The following ENPP4 variants were observed in gnomAD, a reference collection of about 807,000 sequenced individuals.
The protein encoded by ENPP4 is bis(5'-adenosyl)-triphosphatase ENPP4.
A neutral mutation model predicts 33.4 loss-of-function variants in ENPP4; 18 were observed. The observed-to-expected ratio is 0.54, with a 90% CI of 0.37 to 0.80. The LOEUF is 0.80. Ranked by LOEUF, ENPP4 falls within the 30% of genes least tolerant of loss-of-function variation. The probability of loss-of-function intolerance (pLI) is 0.00; values close to 1 mark genes in which losing one functional copy is unlikely to be tolerated. For missense variants in ENPP4, 480 were observed against 541.7 expected (o/e 0.89, Z 1.13); for synonymous variants, 172 against 189.9 (o/e 0.91, Z 0.78).
In ENPP4 at chr6:46,145,511, G is replaced by A. The variant is rs771811872; in HGVS notation, c.*1871G>A. ...TTTAATTTCCATTAAAAAGCAAATA[G>A]CATTGACACATTTAAAGCTTTTCAT... On this transcript the variant is annotated 3_prime_UTR_variant, in exon 4 of 4. Transcript: ENST00000321037. 2.0e-5 allele frequency: 3 copies of A among 151,790 alleles called. No homozygotes were observed. The highest frequency in any genetic ancestry group is 4.4e-5 in the Non-Finnish European group (3 of 67,856). The allele number at this position is 151,790 out of a possible 1,614,324, so 9.4% of individuals were successfully genotyped here.
chr6:46,142,474 A>G (rs1223765742), intron 3 of ENPP4, among the ~76,000 whole-genome samples: 2 of 44,562 alleles, frequency 4.5e-5, no homozygotes, highest in Non-Finnish European at 1.3e-4. Flanking sequence ...AGAAAAATAT[A>G]TATTTTTTTC....
Position 46,140,365 on chromosome 6 carries a change from C to T in ENPP4, c.782C>T (p.Thr261Ile). 3.1e-6 allele frequency: 5 copies of T among 1,601,238 alleles called. No individual in the cohort carries two copies. Among genetic ancestry groups the T allele is most frequent in the Non-Finnish European group, 4.3e-6 (5 of 1,175,544 alleles). The change falls in exon 2 of 4, where the codon ACT becomes ATT. Residue 261 changes from threonine to isoleucine, a missense_variant. Around this residue, in one of 3 missense-constraint regions of ENPP4, gnomAD observed 249 missense variants for 251.8 expected, o/e 0.99. Transcript: ENST00000321037. ...LDSCIDHSYYTLIDLSPVAAI... is the reference protein window; with the variant it reads ...LDSCIDHSYYILIDLSPVAAI... ...TCCTGCATCGATCATTCATACTACA[C>T]TCTTATAGATTTGAGCCCAGTTGCT...
At chr6:46,133,651 CT>C (rs1763935591) in intron 1 of ENPP4, among the ~76,000 whole-genome samples, 1 of 152,114 alleles carries the variant, frequency 6.6e-6, no homozygotes, top group South Asian at 2.1e-4. Context: ...GAGAGGTCTG[CT>C]TTTTTTCTTC....
chr6:46,139,182 G>A (rs1481244711), intron 1 of ENPP4, among the ~76,000 whole-genome samples: 1 of 151,748 alleles, frequency 6.6e-6, no homozygotes, highest in East Asian at 1.9e-4. Flanking sequence ...TGGAGCCTCT[G>A]AAAGCTTGGC....
chr6:46,139,578 T>C lies in ENPP4; in HGVS notation c.-6T>C. On this transcript the variant is annotated 5_prime_UTR_variant, in exon 2 of 4. Transcript: ENST00000321037. ...ACCCTGATTGCTGTCCTTCAACGTGTTCATTATGAAGTTATTAGTAATACT... is the reference window on the plus strand; with the variant it reads ...ACCCTGATTGCTGTCCTTCAACGTGCTCATTATGAAGTTATTAGTAATACT... The C allele has an allele frequency of 1.4e-6, 2 of 1,398,486 alleles. No individual in the cohort carries two copies. Among genetic ancestry groups the C allele is most frequent in the Non-Finnish European group, 2.0e-6 (2 of 986,582 alleles). The allele number at this position is 1,398,486 out of a possible 1,614,324, so 86.6% of individuals were successfully genotyped here.
intron 1 of ENPP4, among the ~76,000 whole-genome samples, chr6:46,138,403 C>T (rs749498529): frequency 6.6e-6 from 1 of 151,848 alleles, no homozygotes; most frequent in Non-Finnish European, 1.5e-5. Context: ...GAAAACCAGT[C>T]AACTGTGTCA....
intron 3 of ENPP4, among the ~76,000 whole-genome samples, chr6:46,141,812 A>G (rs185051773): frequency 1.5e-3 from 225 of 151,818 alleles, no homozygotes; most frequent in African/African-American, 5.3e-3. Flanking sequence ...ATTCAATTCA[A>G]ATGCTTTTTT....
chr6:46,136,056 G>T (rs973150776), intron 1 of ENPP4, among the ~76,000 whole-genome samples: 3 of 151,960 alleles, frequency 2.0e-5, no homozygotes, highest in African/African-American at 7.2e-5. Context: ...CAAACACACT[G>T]TTACAAATAT....
chr6:46,144,752 TTAGGC>T lies in ENPP4; in HGVS notation c.*1115_*1119del. ...TCTTTGGGACTTTATGCCTTACTTT[TTAGGC>T]TATAGAATAGTTAAGAAATTTTAAA... On this transcript the variant is annotated 3_prime_UTR_variant, in exon 4 of 4. Transcript: ENST00000321037. 1 of 380,800 alleles carries T rather than the reference TTAGGC, an allele frequency of 2.6e-6. No individual in the cohort carries two copies. Among genetic ancestry groups the T allele is most frequent in the Non-Finnish European group, 4.7e-6 (1 of 214,660 alleles). 23.6% of individuals were successfully genotyped at this position (380,800 alleles called of 1,614,324 possible). A position where few individuals can be genotyped will look rare whatever the true frequency, so the allele number is the denominator to read the frequency against.
chr6:46,141,046 T>G lies in ENPP4; in HGVS notation c.827-6T>G. 6.5e-7 allele frequency: 1 copy of G among 1,548,548 alleles called. No individual in the cohort carries two copies. The highest frequency in any genetic ancestry group is 8.7e-7 in the Non-Finnish European group (1 of 1,149,466). ...GTTTCCTTTGCTGTTTCTTTTTTTT[T>G]CTCAGATAGAACAGAGGTTTATAAC... On this transcript the variant is annotated splice_region_variant and splice_polypyrimidine_tract_variant and intron_variant, in intron 2 of 3. Coordinates refer to ENST00000321037, the MANE Select transcript of ENPP4 (RefSeq NM_014936.5).
intron 1 of ENPP4, among the ~76,000 whole-genome samples, 161 bp downstream of exon 1, chr6:46,130,350 G>A (rs575816532): frequency 6.6e-6 from 1 of 152,364 alleles, no homozygotes; most frequent in South Asian, 2.1e-4. Flanking sequence ...CGTCCACGAA[G>A]GGACTCAAAG....
chr6:46,139,278 T>A (rs1325386200), intron 1 of ENPP4, among the ~76,000 whole-genome samples: 1 of 151,754 alleles, frequency 6.6e-6, no homozygotes, highest in Non-Finnish European at 1.5e-5. Flanking sequence ...ATGTGGCAAA[T>A]GAGCTGACAG....
At position 46,141,034 on chromosome 6, in the gene ENPP4, TTTC is replaced by T; in HGVS notation, c.827-15_827-13del. Reference sequence around the variant, plus strand: ...CAATCATAACTTGTTTCCTTTGCTGTTTCTTTTTTTTTCTCAGATAGAACAGAG... The same window carrying T: ...CAATCATAACTTGTTTCCTTTGCTGTTTTTTTTTTCTCAGATAGAACAGAG... On this transcript the variant is annotated splice_polypyrimidine_tract_variant and intron_variant, in intron 2 of 3. Transcript: ENST00000321037. The T allele has an allele frequency of 2.0e-6, 3 of 1,531,238 alleles. No homozygotes were observed. The highest frequency in any genetic ancestry group is 2.8e-5 in the African/African-American group (2 of 70,848). The allele number at this position is 1,531,238 out of a possible 1,614,324, so 94.9% of individuals were successfully genotyped here.
At chr6:46,133,251 A>G (rs1763928959) in intron 1 of ENPP4, among the ~76,000 whole-genome samples, 1 of 152,206 alleles carries the variant, frequency 6.6e-6, no homozygotes, top group African/African-American at 2.4e-5. Flanking sequence ...GTATTTTACA[A>G]AATTGGAGAA....
chr6:46,140,907 T>G (rs1764051449), intron 2 of ENPP4, 145 bp from the exon 3 acceptor site: 2 of 571,552 alleles, frequency 3.5e-6, no homozygotes, highest in Non-Finnish European at 6.1e-6. Context: ...TCCCCAACAC[T>G]CTCACATTAT....
Position 46,143,741 on chromosome 6 carries a change from C to A in ENPP4, c.*101C>A. On this transcript the variant is annotated 3_prime_UTR_variant, in exon 4 of 4. Coordinates refer to ENST00000321037, the MANE Select transcript of ENPP4 (RefSeq NM_014936.5). The stretch of plus-strand genomic sequence containing the variant: ...CTATGAAAAAGAATACTTTGAAAGA[C>A]AAAGAACTTAGACTAAGCATGTTAA... 8.3e-7 allele frequency: 1 copy of A among 1,210,394 alleles called. No individual in the cohort carries two copies. Among genetic ancestry groups the A allele is most frequent in the Non-Finnish European group, 1.2e-6 (1 of 865,672 alleles). 75.0% of individuals were successfully genotyped at this position (1,210,394 alleles called of 1,614,324 possible).
At chr6:46,135,890 C>T (rs1179197137) in intron 1 of ENPP4, among the ~76,000 whole-genome samples, 2 of 151,934 alleles carry the variant, frequency 1.3e-5, no homozygotes, top group Non-Finnish European at 2.9e-5. Flanking sequence ...TGTGGATATC[C>T]AGTTGTCCCT....
rs1259146497 is a variant in ENPP4 at position 46,140,322 on chromosome 6, A to G, written c.739A>G (p.Arg247Gly). ...TGGGATGACCCAGTGTTCTCAGGAC[A>G]GACTGATAAACCTGGATTCCTGCAT... ...DHGMTQCSQD[R>G]LINLDSCIDH... Residue 247 changes from arginine (R) to glycine (G), a missense_variant, in exon 2 of 4, where the codon AGA becomes GGA. Around this residue, in one of 3 missense-constraint regions of ENPP4, gnomAD observed 4 missense variants for 16.1 expected, o/e 0.25. Coordinates refer to ENST00000321037, the MANE Select transcript of ENPP4 (RefSeq NM_014936.5). 6.2e-7 allele frequency: 1 copy of G among 1,611,960 alleles called. No homozygotes were observed. The highest frequency in any genetic ancestry group is 8.5e-7 in the Non-Finnish European group (1 of 1,178,824).
chr6:46,134,085 T>C (rs994452579), intron 1 of ENPP4, among the ~76,000 whole-genome samples: 1 of 152,194 alleles, frequency 6.6e-6, no homozygotes, highest in Admixed American at 6.5e-5. Context: ...GACTAAATTA[T>C]TCCTAATGTA....
Sources: allele counts gnomAD v4.1 joint callset (sites outside exome capture counted in the v4.1 genomes callset), GRCh38; gene constraint gnomAD v4.1.1; regional missense constraint gnomAD v4.1.1; transcripts MANE v1.5; gene names NCBI Gene and HGNC (gene_info 2026-07-23, HGNC 2026-07-21).